Variants in EYS observed in about 807,000 individuals in gnomAD.
The protein encoded by EYS is protein eyes shut homolog.
EYS carries 250 observed loss-of-function variants against 282.1 expected under a neutral mutation model. The observed-to-expected ratio is 0.89, with a 90% CI of 0.80 to 0.98. EYS has a LOEUF of 0.98. Among genes scored for constraint, EYS ranks in the 50% least tolerant of loss-of-function variants. The probability of loss-of-function intolerance (pLI) is 0.00; values close to 1 mark genes in which losing one functional copy is unlikely to be tolerated. For missense variants in EYS, 4,016 were observed against 3,709.0 expected, an observed-to-expected ratio of 1.08 and a Z score of -2.15; for synonymous variants, 1,355 against 1,282.9, an observed-to-expected ratio of 1.06 and a Z score of -1.20.
At chr6:64,226,019 C>A (rs1766243698) in intron 31 of EYS, among the ~76,000 whole-genome samples, 1 of 152,036 alleles carries the variant, frequency 6.6e-6, no homozygotes, top group Admixed American at 6.6e-5. Flanking sequence ...AAGGCAAACA[C>A]CTGTTTCTTG....
chr6:64,465,463 T>C (rs1352483426), intron 26 of EYS, among the ~76,000 whole-genome samples: 2 of 152,142 alleles, frequency 1.3e-5, no homozygotes, highest in South Asian at 2.1e-4. Flanking sequence ...AATATATGCA[T>C]TTAAGGCCAA....
intron 35 of EYS, among the ~76,000 whole-genome samples, chr6:63,950,829 C>T (rs1456352246): frequency 6.6e-6 from 1 of 152,132 alleles, no homozygotes; most frequent in Non-Finnish European, 1.5e-5. Context: ...TCAATCTCTC[C>T]CTTCTTTTAA....
intron 41 of EYS, among the ~76,000 whole-genome samples, chr6:63,728,072 A>C (rs142405567): frequency 0.011 from 1,630 of 152,158 alleles, 20 homozygotes; most frequent in African/African-American, 0.038. Context: ...TTAAAATGTG[A>C]GTGTCCTTTT....
At chr6:63,860,305 A>G (rs945998766) in intron 36 of EYS, among the ~76,000 whole-genome samples, 24 of 152,182 alleles carry the variant, frequency 1.6e-4, no homozygotes, top group African/African-American at 5.1e-4. Flanking sequence ...GAATATTGAT[A>G]TGTGATGGAA....
At chr6:64,793,738 A>T (rs1403036706) in intron 22 of EYS, among the ~76,000 whole-genome samples, 1 of 152,186 alleles carries the variant, frequency 6.6e-6, no homozygotes, top group Non-Finnish European at 1.5e-5. Context: ...GTTTTATTAC[A>T]TAAGTTGAAA....
chr6:64,920,490 T>C (rs1395541748), intron 15 of EYS, among the ~76,000 whole-genome samples: 1 of 152,148 alleles, frequency 6.6e-6, no homozygotes, highest in African/African-American at 2.4e-5. Context: ...TAAGTATTAC[T>C]TCTGGCTCCT....
rs1395861259 is a variant in EYS, at chr6:64,026,482, C to G, written c.6726-27299G>C. The stretch of plus-strand genomic sequence containing the variant: ...TTGTTTCTGCACTATGACTTGGCCC[C>G]AATATTCTCTCTCTGATGGGAAAAA... On this transcript the variant is annotated intron_variant, in intron 33 of 42. Coordinates refer to ENST00000503581, the MANE Select transcript of EYS (RefSeq NM_001142800.2). Among the ~76,000 whole-genome samples, 3 of 152,112 alleles carry G rather than the reference C, an allele frequency of 2.0e-5. No individual in the cohort carries two copies. The South Asian group carries it at 6.2e-4, about 32-fold the overall frequency.
intron 2 of EYS, among the ~76,000 whole-genome samples, chr6:65,513,320 T>C (rs1227463128): frequency 6.6e-6 from 1 of 151,246 alleles, no homozygotes; most frequent in Admixed American, 6.6e-5. Flanking sequence ...CCAAAAAGAG[T>C]CCAGGACCAG....
At chr6:64,702,182 T>A (rs1770815452) in intron 22 of EYS, among the ~76,000 whole-genome samples, 1 of 152,002 alleles carries the variant, frequency 6.6e-6, no homozygotes, top group Non-Finnish European at 1.5e-5. Flanking sequence ...GAAAAGCGTG[T>A]CTATGAAAGA....
intron 35 of EYS, among the ~76,000 whole-genome samples, chr6:63,892,421 C>G (rs1773433225): frequency 6.6e-6 from 1 of 151,970 alleles, no homozygotes; most frequent in African/African-American, 2.4e-5. Flanking sequence ...TCAGAAATAC[C>G]ACCACACATC....
At chr6:65,451,845 TAA>T (rs1324569412) in intron 5 of EYS, among the ~76,000 whole-genome samples, 3 of 151,936 alleles carry the variant, frequency 2.0e-5, no homozygotes, top group African/African-American at 7.2e-5. Flanking sequence ...GATTCCAAAT[TAA>T]AGTGTCTAAT....
intron 26 of EYS, among the ~76,000 whole-genome samples, chr6:64,509,020 G>A (rs1432617123): frequency 1.3e-5 from 2 of 151,862 alleles, no homozygotes; most frequent in Non-Finnish European, 2.9e-5. Flanking sequence ...TGTCTACTAT[G>A]TAAATTATCT....
chr6:64,322,625 G>A (rs966128175), intron 29 of EYS, among the ~76,000 whole-genome samples: 1 of 152,014 alleles, frequency 6.6e-6, no homozygotes, highest in Non-Finnish European at 1.5e-5. Context: ...ACTTCTATAA[G>A]TTTTGTGGTT....
chr6:64,222,945 T>A (rs957578179), intron 31 of EYS, among the ~76,000 whole-genome samples: 3 of 151,954 alleles, frequency 2.0e-5, no homozygotes, highest in Non-Finnish European at 4.4e-5. Context: ...GTTTTCCTTT[T>A]AAAAAAAACT....
chr6:64,643,015 T>C (rs1768218876), intron 22 of EYS, among the ~76,000 whole-genome samples: 1 of 151,816 alleles, frequency 6.6e-6, no homozygotes, highest in Non-Finnish European at 1.5e-5. Context: ...CTTGAGGGGC[T>C]GAGGCAGGAG....
At chr6:65,149,740 G>T (rs1046861030) in intron 12 of EYS, among the ~76,000 whole-genome samples, 1 of 152,124 alleles carries the variant, frequency 6.6e-6, no homozygotes, top group Non-Finnish European at 1.5e-5. Flanking sequence ...CTGTTACAAA[G>T]CTGCTTCCAC....
intron 22 of EYS, among the ~76,000 whole-genome samples, chr6:64,748,219 T>C (rs747380336): frequency 1.1e-4 from 17 of 152,214 alleles, no homozygotes; most frequent in Non-Finnish European, 1.6e-4. Context: ...ATACAATAAA[T>C]GTAATAATAA....
chr6:64,314,218 A>AAAG (rs1769844545), intron 29 of EYS, among the ~76,000 whole-genome samples: 4 of 148,420 alleles, frequency 2.7e-5, no homozygotes, highest in Admixed American at 2.0e-4. Context: ...AAAAAAAAAA[A>AAAG]GCAGGGGTTG....
chr6:64,648,498 G>T (rs181653043), intron 22 of EYS, among the ~76,000 whole-genome samples: 2 of 152,106 alleles, frequency 1.3e-5, no homozygotes, highest in South Asian at 2.1e-4. Context: ...TGGAAATATG[G>T]TCTGAAACCA....
Sources: gnomAD v4.1 joint callset for allele counts (sites outside exome capture counted in the v4.1 genomes callset) on GRCh38, gnomAD v4.1.1 for gene constraint, MANE v1.5 for transcripts, NCBI Gene and HGNC (gene_info 2026-07-23, HGNC 2026-07-21) for gene names.